ZNF83: variants seen among roughly 807,000 people sequenced by gnomAD.
ZNF83 encodes the protein zinc finger protein 83, also known as zinc finger protein 816B.
For missense variants in ZNF83, 552 were observed against 629.9 expected (o/e 0.88, Z 1.32); for synonymous variants, 209 against 213.0 (o/e 0.98, Z 0.17).
At chr19:52,618,551 C>G in intron 2 of ZNF83, 1 of 211,924 alleles carries the variant, frequency 4.7e-6, no homozygotes, top group South Asian at 7.5e-5. Flanking sequence ...CGTGAGCCAC[C>G]GCGCCTGGCC....
chr19:52,658,370 G>A (rs1370267368), intron 2 of ZNF83, among the ~76,000 whole-genome samples: 4 of 152,034 alleles, frequency 2.6e-5, no homozygotes, highest in Admixed American at 6.6e-5. Flanking sequence ...GTTCATGACC[G>A]GCCTGGCCAA....
intron 1 of ZNF83, among the ~76,000 whole-genome samples, chr19:52,680,823 A>G (rs974413893): frequency 7.3e-5 from 11 of 150,280 alleles, no homozygotes; most frequent in East Asian, 4.0e-4. Context: ...CGTGTTAGCC[A>G]GGATGGTCTC....
At position 52,684,348 on chromosome 19, in the gene ZNF83, AGAGT is replaced by A. The variant is rs1323286371; in HGVS notation, c.-283+6091_-283+6094del. ...ACCACTACACTCCAGCCTGGGTGAC[AGAGT>A]GAGACTCAAAAATAAAATATAATAA... On this transcript the variant is annotated intron_variant, in intron 1 of 5. Transcript: ENST00000594682. Among the ~76,000 whole-genome samples, 4 of 152,166 alleles carry A rather than the reference AGAGT, an allele frequency of 2.6e-5. No homozygotes were observed. The East Asian group carries it at 7.7e-4, about 29-fold the overall frequency.
At chr19:52,673,146 T>C (rs2061749419) in intron 1 of ZNF83, among the ~76,000 whole-genome samples, 1 of 151,936 alleles carries the variant, frequency 6.6e-6, no homozygotes, top group Admixed American at 6.6e-5. Flanking sequence ...GGAGCAGAGG[T>C]TGCAGTGAGT....
intron 1 of ZNF83, among the ~76,000 whole-genome samples, chr19:52,637,311 G>T (rs1375384065): frequency 6.6e-6 from 1 of 151,952 alleles, no homozygotes; most frequent in East Asian, 1.9e-4. Context: ...TGGAACCACA[G>T]ATCCCCAGGT....
At chr19:52,656,026 C>G (rs1276564609) in intron 2 of ZNF83, among the ~76,000 whole-genome samples, 4 of 152,114 alleles carry the variant, frequency 2.6e-5, no homozygotes, top group African/African-American at 9.6e-5. Context: ...CCCAGGGCAA[C>G]ATGGTGAAAC....
At chr19:52,688,232 A>G (rs541755440) in intron 1 of ZNF83, among the ~76,000 whole-genome samples, 20 of 151,926 alleles carry the variant, frequency 1.3e-4, no homozygotes, top group Non-Finnish European at 2.9e-4. Context: ...GTGCAGTGGC[A>G]TGATCTTGGC....
At chr19:52,683,528 A>ACCATCACTCTG (rs1216197668) in intron 1 of ZNF83, among the ~76,000 whole-genome samples, 1 of 82,688 alleles carries the variant, frequency 1.2e-5, no homozygotes, top group Non-Finnish European at 2.3e-5. Context: ...ATCCAAAGGG[A>ACCATCACTCTG]AGGGCAAAGT....
In ZNF83 at chr19:52,676,686, C is replaced by T. The variant is rs12973313; in HGVS notation, c.-283+13757G>A. On this transcript the variant is annotated intron_variant, in intron 1 of 5. Transcript: ENST00000594682. Reference sequence around the variant, plus strand: ...AATGGCGGCTTTGTGGAATAGAAAGCGGGGAAAGGTGGGGAAAAGATTGAG... The same window carrying T: ...AATGGCGGCTTTGTGGAATAGAAAGTGGGGAAAGGTGGGGAAAAGATTGAG... Among the ~76,000 whole-genome samples the T allele has an allele frequency of 3.2e-5, 4 of 124,160 alleles. No homozygotes were observed. In the South Asian group the frequency reaches 9.9e-4, roughly 31 times the overall value. The allele number at this position is 124,160 out of a possible 152,430, so 81.5% of individuals were successfully genotyped here.
At chr19:52,648,743 G>T (rs1397201144) in intron 3 of ZNF83, among the ~76,000 whole-genome samples, 1 of 152,130 alleles carries the variant, frequency 6.6e-6, no homozygotes, top group Non-Finnish European at 1.5e-5. Flanking sequence ...CAAGCCAGCA[G>T]GACCCAGATC....
chr19:52,616,361 A>G (rs2060304792), intron 2 of ZNF83, among the ~76,000 whole-genome samples: 1 of 152,176 alleles, frequency 6.6e-6, no homozygotes, highest in Non-Finnish European at 1.5e-5. Flanking sequence ...TGACCCAGCA[A>G]TCCCATTACT....
At chr19:52,613,332 A>G (rs1472256104) in exon 3 of ZNF83, 9 of 1,614,038 alleles carry the variant, frequency 5.6e-6, no homozygotes, top group Non-Finnish European at 7.6e-6. Flanking sequence ...ATGAATTTTG[A>G]CTGAAGACTT....
At chr19:52,627,328 T>G (rs1264348262) in intron 2 of ZNF83, among the ~76,000 whole-genome samples, 1 of 151,618 alleles carries the variant, frequency 6.6e-6, no homozygotes, top group African/African-American at 2.4e-5. Flanking sequence ...GCAGTCTAGT[T>G]GAGGGTGGAG....
At position 52,614,651 on chromosome 19, in the gene ZNF83, C is replaced by T; in HGVS notation, c.-87G>A. The T allele has an allele frequency of 7.2e-7, 1 of 1,390,044 alleles. No individual in the cohort carries two copies. The highest frequency in any genetic ancestry group is 9.4e-7 in the Non-Finnish European group (1 of 1,064,614). 86.1% of individuals were successfully genotyped at this position (1,390,044 alleles called of 1,614,324 possible). ...TCATGTTTCCACAGACACTGAGAGT[C>T]ATGTACATTTTTCTGGGTTTCTCTG... On this transcript the variant is annotated 5_prime_UTR_variant, in exon 3 of 3. An upstream start codon of the reference 5' UTR is lost. Coordinates refer to ENST00000301096, the Ensembl canonical transcript of ZNF83.
chr19:52,673,716 T>G (rs1044917089), intron 1 of ZNF83, among the ~76,000 whole-genome samples: 4 of 151,774 alleles, frequency 2.6e-5, no homozygotes, highest in African/African-American at 7.3e-5. Flanking sequence ...AGAGTGAGAC[T>G]CCAACTCAAA....
chr19:52,635,249 A>G (rs1234853235), intron 1 of ZNF83, 96 bp from the exon 2 acceptor site: 4 of 484,540 alleles, frequency 8.3e-6, no homozygotes, highest in Non-Finnish European at 1.5e-5. Context: ...CCCTGAGGAA[A>G]TATGGTCCCC....
intron 1 of ZNF83, among the ~76,000 whole-genome samples, chr19:52,685,897 C>CAAAA (rs3055370): frequency 3.0e-5 from 4 of 132,546 alleles, no homozygotes; most frequent in East Asian, 2.4e-4. Context: ...GTAACTGTCA[C>CAAAA]AAAAAAAAAA....
At chr19:52,676,180 G>A (rs901643366) in intron 1 of ZNF83, among the ~76,000 whole-genome samples, 10 of 152,166 alleles carry the variant, frequency 6.6e-5, no homozygotes, top group Admixed American at 2.0e-4. Flanking sequence ...ACGGGGTTTC[G>A]CTGTGTTGGT....
At chr19:52,619,846 C>T (rs73061468) in intron 2 of ZNF83, among the ~76,000 whole-genome samples, 28,494 of 151,996 alleles carry the variant, frequency 0.19, 2,785 homozygotes, top group Middle Eastern at 0.28. Context: ...AAGATCACAC[C>T]ACTGCACTCC....
Sources: allele counts gnomAD v4.1 joint callset (sites outside exome capture counted in the v4.1 genomes callset), GRCh38; gene constraint gnomAD v4.1.1; transcripts MANE v1.5; gene names NCBI Gene and HGNC (gene_info 2026-07-23, HGNC 2026-07-21).